MB21D2: variants seen among roughly 807,000 people sequenced by gnomAD.
The protein encoded by MB21D2 is nucleotidyltransferase MB21D2.
In MB21D2, 9 loss-of-function variants were observed where a neutral mutation model predicts 33.3. That is an observed-to-expected ratio of 0.27 (90% CI 0.16 to 0.47). MB21D2 has a LOEUF of 0.47. Ranked by LOEUF, MB21D2 falls within the 20% of genes least tolerant of loss-of-function variation. The pLI, the probability that MB21D2 is intolerant of heterozygous loss-of-function variation, is 0.99. For synonymous variants in MB21D2, 241 were observed against 236.3 expected (o/e 1.02, Z -0.18); for missense variants, 540 against 624.6 (o/e 0.86, Z 1.44).
At chr3:192,835,347 T>A (rs1361499275) in intron 1 of MB21D2, among the ~76,000 whole-genome samples, 2 of 145,856 alleles carry the variant, frequency 1.4e-5, no homozygotes, top group African/African-American at 5.1e-5. Flanking sequence ...TCCCAGCTAC[T>A]CGGGAGGTTG....
chr3:192,816,359 C>G (rs62293185), intron 1 of MB21D2, among the ~76,000 whole-genome samples: 28,449 of 152,020 alleles, frequency 0.19, 4,488 homozygotes, highest in African/African-American at 0.43. Flanking sequence ...CTTGTTATGA[C>G]AGTAACTTTC....
intron 1 of MB21D2, among the ~76,000 whole-genome samples, chr3:192,907,021 T>C (rs6807713): frequency 0.99 from 151,468 of 152,384 alleles, 75,286 homozygotes; most frequent in Middle Eastern, 1. Context: ...GTTCCCCATG[T>C]CAGCTTTATT....
At chr3:192,850,467 C>T (rs1297031568) in intron 1 of MB21D2, among the ~76,000 whole-genome samples, 1 of 152,224 alleles carries the variant, frequency 6.6e-6, no homozygotes, top group Non-Finnish European at 1.5e-5. Context: ...ATCTCTCCTT[C>T]ATTCCGTCAT....
chr3:192,883,023 A>G (rs1463462717), intron 1 of MB21D2, among the ~76,000 whole-genome samples: 3 of 151,576 alleles, frequency 2.0e-5, no homozygotes, highest in Admixed American at 6.6e-5. Context: ...ATGAGCCACC[A>G]CGCCCGGCTA....
chr3:192,852,650 A>G (rs986994175), intron 1 of MB21D2, among the ~76,000 whole-genome samples: 1 of 152,258 alleles, frequency 6.6e-6, no homozygotes, highest in Non-Finnish European at 1.5e-5. Flanking sequence ...GAAATGTTAA[A>G]TAATGAGAGC....
chr3:192,796,990 A>G lies in MB21D2; in HGVS notation c.*1396T>C, dbSNP rs1469669653. ...CCTTGAGTTTGGACATTCAAGACCA[A>G]AATGAACACGTTACTTGCCCTTTCT... On this transcript the variant is annotated 3_prime_UTR_variant, in exon 2 of 2. Transcript: ENST00000392452. 1 of 152,656 alleles carries G rather than the reference A, an allele frequency of 6.6e-6. No individual in the cohort carries two copies. Among genetic ancestry groups the G allele is most frequent in the Non-Finnish European group, 1.5e-5 (1 of 68,040 alleles). 9.5% of individuals were successfully genotyped at this position (152,656 alleles called of 1,614,324 possible).
chr3:192,824,814 G>A lies in MB21D2; in HGVS notation c.212-25164C>T, dbSNP rs115418470. Among the ~76,000 whole-genome samples the A allele has an allele frequency of 7.4e-3, 1,123 of 152,170 alleles. 15 individuals carry two copies. The highest frequency in any genetic ancestry group is 0.026 in the African/African-American group (1,068 of 41,502). On this transcript the variant is annotated intron_variant, in intron 1 of 1. Coordinates refer to ENST00000392452, the MANE Select transcript of MB21D2 (RefSeq NM_178496.4). ...ATTTATTTCCACTTCATGTTCCTAC[G>A]TCAAGCAAACCGTGTTTTTTATGAA... is the stretch of plus-strand genomic sequence containing the variant.
intron 1 of MB21D2, among the ~76,000 whole-genome samples, chr3:192,806,527 G>T (rs1489948782): frequency 6.6e-6 from 1 of 152,118 alleles, no homozygotes; most frequent in African/African-American, 2.4e-5. Flanking sequence ...TCACGAAAAG[G>T]CGTCACAAAT....
Position 192,889,621 on chromosome 3 carries a change from A to AT in MB21D2, c.211+28008dup, listed in dbSNP as rs1243391073. 7.9e-5 allele frequency among the ~76,000 whole-genome samples: 12 copies of AT among 152,006 alleles called. 1 individual carries two copies. Among genetic ancestry groups the AT allele is most frequent in the East Asian group, 3.9e-4 (2 of 5,178 alleles). On this transcript the variant is annotated intron_variant, in intron 1 of 1. Coordinates refer to ENST00000392452, the MANE Select transcript of MB21D2 (RefSeq NM_178496.4). ...TGGCCCTAGAGTTTATCACAGGAAG[A>AT]TTTTTTTTGTTTTTAAATGTGTAAA...
At chr3:192,867,771 T>C (rs1053338928) in intron 1 of MB21D2, among the ~76,000 whole-genome samples, 64 of 152,276 alleles carry the variant, frequency 4.2e-4, no homozygotes, top group African/African-American at 1.5e-3. Flanking sequence ...AAGTGATGGT[T>C]TGCTAGTTTT....
chr3:192,835,088 G>A (rs1279766009), intron 1 of MB21D2, among the ~76,000 whole-genome samples: 3 of 148,304 alleles, frequency 2.0e-5, no homozygotes, highest in African/African-American at 5.0e-5. Context: ...GATGACAGGC[G>A]TGAGCCACCA....
intron 1 of MB21D2, among the ~76,000 whole-genome samples, chr3:192,811,461 G>A (rs1711785943): frequency 6.6e-6 from 1 of 152,150 alleles, no homozygotes; most frequent in Non-Finnish European, 1.5e-5. Context: ...GAGGAGCCTG[G>A]AAGCCTAAGC....
At chr3:192,828,592 A>T (rs63749570) in intron 1 of MB21D2, among the ~76,000 whole-genome samples, 2,668 of 13,896 alleles carry the variant, frequency 0.19, 248 homozygotes, top group Non-Finnish European at 0.34. Flanking sequence ...CACCCCCCCC[A>T]TATATATATA....
chr3:192,834,589 T>A (rs1712393560), intron 1 of MB21D2, among the ~76,000 whole-genome samples: 1 of 152,028 alleles, frequency 6.6e-6, no homozygotes, highest in Non-Finnish European at 1.5e-5. Context: ...TTCCTGAGGT[T>A]TCTTAGCCCC....
intron 1 of MB21D2, among the ~76,000 whole-genome samples, chr3:192,862,727 G>A (rs1450779842): frequency 3.3e-5 from 5 of 152,146 alleles, no homozygotes; most frequent in Admixed American, 1.3e-4. Flanking sequence ...AGTCGGACGC[G>A]GACATACACA....
rs114414571 is a variant in MB21D2, at chr3:192,841,395, C to A, written c.212-41745G>T. Among the ~76,000 whole-genome samples, 432 of 152,354 alleles carry A rather than the reference C, an allele frequency of 2.8e-3. 2 individuals are homozygous for A. Among genetic ancestry groups the A allele is most frequent in the African/African-American group, 0.01 (421 of 41,590 alleles). On this transcript the variant is annotated intron_variant, in intron 1 of 1. Transcript: ENST00000392452. ...CAAATAAGCGTGATGGTTTTTACAT[C>A]CAAGATTGGGTTATAAAAGGCATTG...
At chr3:192,909,813 T>C (rs1205972150) in intron 1 of MB21D2, among the ~76,000 whole-genome samples, 3 of 151,514 alleles carry the variant, frequency 2.0e-5, no homozygotes, top group South Asian at 4.2e-4. Context: ...GCACCTGTAA[T>C]CCCAGCTACT....
In MB21D2 at chr3:192,917,697, C is replaced by T; in HGVS notation, c.144G>A (p.Gln48=). Reference sequence around the variant, plus strand: ...GCGCTCTCTGGTCGTCGTATTCCCGCTGGTCGTGCTTCGTAAATTCTTGGA... The same window carrying T: ...GCGCTCTCTGGTCGTCGTATTCCCGTTGGTCGTGCTTCGTAAATTCTTGGA... ...KLIQEFTKHD[Q]REYDDQRALE... is the part of the protein sequence containing the mutation. Residue 48 remains glutamine, a synonymous_variant, in exon 1 of 2, where the codon CAG becomes CAA. Coordinates refer to ENST00000392452, the MANE Select transcript of MB21D2 (RefSeq NM_178496.4). 6.2e-7 allele frequency: 1 copy of T among 1,614,202 alleles called. No homozygotes were observed. The highest frequency in any genetic ancestry group is 8.5e-7 in the Non-Finnish European group (1 of 1,180,030).
At chr3:192,889,345 T>C (rs1047087884) in intron 1 of MB21D2, among the ~76,000 whole-genome samples, 6 of 152,004 alleles carry the variant, frequency 3.9e-5, no homozygotes, top group African/African-American at 1.5e-4. Context: ...GGTGAGTAGC[T>C]TGGAATGGCT....
Sources: gnomAD v4.1 joint callset for allele counts (sites outside exome capture counted in the v4.1 genomes callset) on GRCh38, gnomAD v4.1.1 for gene constraint, MANE v1.5 for transcripts, NCBI Gene and HGNC (gene_info 2026-07-23, HGNC 2026-07-21) for gene names.